MB: variants seen among roughly 807,000 people sequenced by gnomAD.
The protein encoded by MB is myoglobin.
MB carries 10 observed loss-of-function variants against 14.5 expected under a neutral mutation model. That is an observed-to-expected ratio of 0.69 (90% confidence interval 0.43 to 1.17). The LOEUF (loss-of-function observed/expected upper bound fraction) is 1.17. Ranked by LOEUF, MB falls within the 50% of genes most tolerant of loss-of-function variation. MB has a pLI of 0.00. For missense variants in MB, 169 were observed against 192.7 expected, an observed-to-expected ratio of 0.88 and a Z score of 0.73; for synonymous variants, 89 against 78.6, an observed-to-expected ratio of 1.13 and a Z score of -0.70.
At chr22:35,610,181 C>T (rs969341243) in intron 2 of MB, among the ~76,000 whole-genome samples, 1 of 152,192 alleles carries the variant, frequency 6.6e-6, no homozygotes, top group East Asian at 1.9e-4. Flanking sequence ...CTCCCCAAAT[C>T]GCCTCCTCCC....
chr22:35,607,490 C>G, intron 2 of MB, 47 bp from the exon 3 acceptor site: 24 of 1,592,036 alleles, frequency 1.5e-5, no homozygotes, highest in Non-Finnish European at 2.1e-5. Flanking sequence ...GTGGGACAAG[C>G]CAGGGGCCAG....
chr22:35,617,379 A>C, upstream of MB: 1 of 671,284 alleles, frequency 1.5e-6, no homozygotes, highest in Non-Finnish European at 2.6e-6. Flanking sequence ...GATGCTTGAC[A>C]AAGATCGCTC....
At chr22:35,622,251 G>A (rs1601849528), upstream of MB, among the ~76,000 whole-genome samples, 2 of 152,318 alleles carry the variant, frequency 1.3e-5, no homozygotes, top group East Asian at 3.9e-4. Flanking sequence ...CCTCCTGCCA[G>A]CAGGCCCTCC....
rs1413329717 is a variant in MB at position 35,606,856 on chromosome 22, A to C, written c.*441T>G. The stretch of plus-strand genomic sequence containing the variant: ...GTTCCAGATAGTCAAATGCTTCCCC[A>C]GCTGGCCCGCCCAGCCCAGATCTCC... On this transcript the variant is annotated 3_prime_UTR_variant, in exon 3 of 3. Coordinates refer to ENST00000397326, the MANE Select transcript of MB (RefSeq NM_005368.3). 6.5e-6 allele frequency: 1 copy of C among 154,970 alleles called. No individual in the cohort carries two copies. Among genetic ancestry groups the C allele is most frequent in the Non-Finnish European group, 1.4e-5 (1 of 69,910 alleles). The allele number at this position is 154,970 out of a possible 1,614,324, so 9.6% of individuals were successfully genotyped here. A position where few individuals can be genotyped will look rare whatever the true frequency, so the allele number is the denominator to read the frequency against.
In MB at chr22:35,613,004, C is replaced by T. The variant is rs555082506; in HGVS notation, c.96-1898G>A. Among the ~76,000 whole-genome samples, 18 of 152,312 alleles carry T rather than the reference C, an allele frequency of 1.2e-4. No individual in the cohort carries two copies. In the South Asian group the frequency reaches 2.9e-3, roughly 25 times the overall value. On this transcript the variant is annotated intron_variant, in intron 1 of 2. Coordinates refer to ENST00000397326, the MANE Select transcript of MB (RefSeq NM_005368.3). The stretch of plus-strand genomic sequence containing the variant: ...CCCCATGTTGGGCATGGTCTGCCGC[C>T]GTGCCCAACATTGCCACCTCGCTCC...
At chr22:35,618,037 T>A (rs1401849139), upstream of MB, among the ~76,000 whole-genome samples, 2 of 152,272 alleles carry the variant, frequency 1.3e-5, no homozygotes, top group Admixed American at 1.3e-4. Flanking sequence ...TCATGCCATC[T>A]TCTCCATTAG....
At chr22:35,609,490 A>C (rs1373035313) in intron 2 of MB, among the ~76,000 whole-genome samples, 2 of 152,060 alleles carry the variant, frequency 1.3e-5, no homozygotes, top group Non-Finnish European at 2.9e-5. Context: ...GACTCTGCGC[A>C]ATTGTGGGGT....
At chr22:35,614,721 C>T (rs183492813) in intron 1 of MB, among the ~76,000 whole-genome samples, 1 of 135,844 alleles carries the variant, frequency 7.4e-6, no homozygotes, top group Non-Finnish European at 1.5e-5. Context: ...CTTTCTCCTC[C>T]TCATCATCTC....
At chr22:35,611,307 G>A (rs571851174) in intron 1 of MB, among the ~76,000 whole-genome samples, 1 of 152,164 alleles carries the variant, frequency 6.6e-6, no homozygotes, top group Admixed American at 6.5e-5. Flanking sequence ...GTGAGATAGT[G>A]TGTGCTATGT....
In MB at chr22:35,623,020, A is replaced by T. The variant is rs572639983; in HGVS notation, c.-9+171T>A. ...TCTGGACTGGCTTCTCCCCATTTCTACCCTGTGAGTGCCTCAGAGGCAGGA... is the reference window on the plus strand; with the variant it reads ...TCTGGACTGGCTTCTCCCCATTTCTTCCCTGTGAGTGCCTCAGAGGCAGGA... On this transcript the variant is annotated intron_variant, in intron 1 of 3. Coordinates refer to the MB transcript ENST00000359787. 4.6e-5 allele frequency among the ~76,000 whole-genome samples: 7 copies of T among 151,772 alleles called. No homozygotes were observed. In the East Asian group the frequency reaches 1.4e-3, roughly 29 times the overall value.
At chr22:35,612,698 T>C (rs1295070749) in intron 1 of MB, among the ~76,000 whole-genome samples, 2 of 152,224 alleles carry the variant, frequency 1.3e-5, no homozygotes, top group Non-Finnish European at 2.9e-5. Context: ...AGCTGGGGAT[T>C]TAACCCAGGC....
intron 1 of MB, among the ~76,000 whole-genome samples, chr22:35,615,164 C>T (rs920336920): frequency 7.9e-5 from 12 of 152,174 alleles, no homozygotes; most frequent in South Asian, 4.1e-4. Flanking sequence ...GAGACATAAC[C>T]TTTCAAGGTC....
upstream of MB, chr22:35,617,431 C>T (rs953562302): frequency 1.2e-5 from 7 of 601,680 alleles, no homozygotes; most frequent in African/African-American, 1.3e-4. Context: ...TTCACTTTCT[C>T]TCTCTCATCC....
rs1399904216 is a variant in MB at position 35,608,015 on chromosome 22, T to C, written c.319-572A>G. The stretch of plus-strand genomic sequence containing the variant: ...TTTATACCAAGCACAGAAACACTGG[T>C]GGGAGGGAAGGAGAGAGAGGAAGAA... On this transcript the variant is annotated intron_variant, in intron 2 of 2. Transcript: ENST00000397326. This position sits in a 1 kb window ranked among gnomAD's most constrained non-coding sequence, Gnocchi z 4.3. Among the ~76,000 whole-genome samples, 9 of 151,918 alleles carry C rather than the reference T, an allele frequency of 5.9e-5. No individual in the cohort carries two copies. The highest frequency in any genetic ancestry group is 6.6e-5 in the Admixed American group (1 of 15,236).
upstream of MB, among the ~76,000 whole-genome samples, chr22:35,618,098 T>C (rs1971074812): frequency 6.6e-6 from 1 of 152,176 alleles, no homozygotes; most frequent in Non-Finnish European, 1.5e-5. Flanking sequence ...CCAGGCCCTG[T>C]CCCAAACACT....
upstream of MB, among the ~76,000 whole-genome samples, chr22:35,619,414 C>T (rs1372938167): frequency 1.3e-5 from 2 of 152,220 alleles, no homozygotes; most frequent in South Asian, 2.1e-4. Flanking sequence ...GTGTTTGGGC[C>T]ATCCTGGGTC....
chr22:35,614,993 G>T (rs1922958238), intron 1 of MB, among the ~76,000 whole-genome samples: 1 of 152,164 alleles, frequency 6.6e-6, no homozygotes, highest in Admixed American at 6.5e-5. Flanking sequence ...CCACTCAGCA[G>T]CCCCCTCCCT....
upstream of MB, among the ~76,000 whole-genome samples, chr22:35,620,511 A>G (rs985666692): frequency 2.0e-5 from 3 of 151,856 alleles, no homozygotes; most frequent in Non-Finnish European, 4.4e-5. Context: ...CCGGTCTCAG[A>G]CTCTCAGCAG....
At chr22:35,613,456 C>T (rs990357049) in intron 1 of MB, among the ~76,000 whole-genome samples, 12 of 152,206 alleles carry the variant, frequency 7.9e-5, no homozygotes, top group Non-Finnish European at 1.8e-4. Context: ...GCCTTTCTTT[C>T]CACTCAACAC....
Sources: gnomAD v4.1 joint callset for allele counts (sites outside exome capture counted in the v4.1 genomes callset) on GRCh38, gnomAD v4.1.1 for gene constraint, Gnocchi (gnomAD v3.1) non-coding constraint, MANE v1.5 for transcripts, NCBI Gene and HGNC (gene_info 2026-07-23, HGNC 2026-07-21) for gene names.